FAM135A: variants seen among roughly 807,000 people sequenced by gnomAD.
The protein encoded by FAM135A is protein FAM135A.
A neutral mutation model predicts 146.8 loss-of-function variants in FAM135A; 79 were observed. The observed-to-expected ratio is 0.54, with a 90% CI of 0.45 to 0.65. FAM135A has a LOEUF of 0.65. Ranked by LOEUF, FAM135A falls within the 30% of genes least tolerant of loss-of-function variation. FAM135A has a pLI of 0.00. For missense variants in FAM135A, 1,623 were observed against 1,758.2 expected (o/e 0.92, Z 1.38); for synonymous variants, 562 against 603.6 (o/e 0.93, Z 1.01).
chr6:70,429,597 A>G (rs942660605), intron 4 of FAM135A, among the ~76,000 whole-genome samples: 3 of 152,198 alleles, frequency 2.0e-5, no homozygotes, highest in Non-Finnish European at 2.9e-5. Flanking sequence ...GAAGAAAGGT[A>G]GTAAAGAATG....
intron 4 of FAM135A, among the ~76,000 whole-genome samples, chr6:70,431,932 T>TAA (rs1227202453): frequency 6.6e-6 from 1 of 151,210 alleles, no homozygotes; most frequent in Non-Finnish European, 1.5e-5. Flanking sequence ...TAAAATATTT[T>TAA]AATGTGTAAT....
At chr6:70,544,160 A>G (rs1178091346) in intron 20 of FAM135A, among the ~76,000 whole-genome samples, 1 of 152,032 alleles carries the variant, frequency 6.6e-6, no homozygotes, top group Non-Finnish European at 1.5e-5. Flanking sequence ...CGGAAATATC[A>G]TAAGCTAGGT....
chr6:70,494,053 CAA>C (rs35693076), intron 11 of FAM135A, among the ~76,000 whole-genome samples: 17,855 of 81,462 alleles, frequency 0.22, 682 homozygotes, highest in African/African-American at 0.28. Context: ...GACTCTGTCT[CAA>C]AAAAAAAAAA....
chr6:70,543,137 C>T (rs1000196030), intron 20 of FAM135A, among the ~76,000 whole-genome samples: 3 of 152,042 alleles, frequency 2.0e-5, no homozygotes, highest in African/African-American at 7.2e-5. Context: ...ATATTATTTT[C>T]AATATTCAAA....
Position 70,524,200 on chromosome 6 carries a change from C to T in FAM135A, c.1258+79C>T. 3 of 1,421,640 alleles carry T rather than the reference C, an allele frequency of 2.1e-6. No homozygotes were observed. The East Asian group carries it at 7.2e-5, about 34-fold the overall frequency. 88.1% of individuals were successfully genotyped at this position (1,421,640 alleles called of 1,614,324 possible). ...TCTTCCTAATATACATAAAACCATT[C>T]CCTAATGTGGAATAGTTTTTTTCCC... On this transcript the variant is annotated intron_variant, in intron 14 of 21. Transcript: ENST00000418814.
intron 20 of FAM135A, among the ~76,000 whole-genome samples, chr6:70,540,860 T>C (rs1797790263): frequency 6.6e-6 from 1 of 152,186 alleles, no homozygotes; most frequent in African/African-American, 2.4e-5. Flanking sequence ...GGTCCCTATC[T>C]AGTTATCTTT....
chr6:70,437,074 A>G (rs1773340811), intron 4 of FAM135A, among the ~76,000 whole-genome samples: 2 of 151,990 alleles, frequency 1.3e-5, no homozygotes, highest in Non-Finnish European at 2.9e-5. Flanking sequence ...TTTATTAACT[A>G]TATATATATA....
chr6:70,464,833 A>ATTTTTTT lies in FAM135A; in HGVS notation c.158-10554_158-10548dup, dbSNP rs67408160. ...AGGCATGCACCACCACGCCTGGCCA[A>ATTTTTTT]TTTTTTTTTTTTTTTTTTTTTTTTT... is the stretch of plus-strand genomic sequence containing the variant. On this transcript the variant is annotated intron_variant, in intron 5 of 21. Transcript: ENST00000418814. Among the ~76,000 whole-genome samples the ATTTTTTT allele has an allele frequency of 6.8e-4, 44 of 64,324 alleles. 1 individual carries two copies. The highest frequency in any genetic ancestry group is 3.0e-3 in the East Asian group (8 of 2,660). 42.2% of individuals were successfully genotyped at this position (64,324 alleles called of 152,430 possible). A position where few individuals can be genotyped will look rare whatever the true frequency, so the allele number is the denominator to read the frequency against.
intron 2 of FAM135A, among the ~76,000 whole-genome samples, chr6:70,415,580 T>G (rs1767387034): frequency 6.6e-6 from 1 of 152,190 alleles, no homozygotes; most frequent in African/African-American, 2.4e-5. Context: ...AAAATGATTT[T>G]TCAAATGCAA....
intron 4 of FAM135A, among the ~76,000 whole-genome samples, chr6:70,440,789 C>T (rs1010544809): frequency 2.6e-5 from 4 of 152,038 alleles, no homozygotes; most frequent in Non-Finnish European, 5.9e-5. Flanking sequence ...TACTTAAGAT[C>T]CTGAAATAAT....
chr6:70,524,080 C>CTA lies in FAM135A; in HGVS notation c.1220_1221dup (p.Ile408Ter). On this transcript the variant is annotated frameshift_variant, in exon 14 of 22. Transcript: ENST00000418814. LOFTEE classifies it high-confidence loss of function. ...TTAGATGGAGATCTCAATTCATTAC[C>CTA]TATAATCTTTGAAGATAGGTATTTA... The CTA allele has an allele frequency of 6.2e-7, 1 of 1,611,922 alleles. No homozygotes were observed. Among genetic ancestry groups the CTA allele is most frequent in the Non-Finnish European group, 8.5e-7 (1 of 1,178,758 alleles).
chr6:70,466,565 G>A (rs1296550779), intron 5 of FAM135A, among the ~76,000 whole-genome samples: 1 of 152,154 alleles, frequency 6.6e-6, no homozygotes, highest in Non-Finnish European at 1.5e-5. Flanking sequence ...ATGTTCGTGG[G>A]CAAGGTCAAG....
chr6:70,529,467 G>T (rs1303694012), intron 16 of FAM135A, among the ~76,000 whole-genome samples: 2 of 143,836 alleles, frequency 1.4e-5, no homozygotes, highest in Admixed American at 7.0e-5. Context: ...AGACTCTCAA[G>T]AAATAAAATA....
intron 11 of FAM135A, among the ~76,000 whole-genome samples, chr6:70,497,447 G>A (rs936268449): frequency 3.9e-5 from 6 of 152,274 alleles, no homozygotes; most frequent in Non-Finnish European, 7.4e-5. Context: ...TGCAAACAGG[G>A]ACAGTTTGAC....
chr6:70,481,539 A>G lies in FAM135A; in HGVS notation c.670-462A>G, dbSNP rs182576388. ...TCCCAACTGCTAGGGAGCCTGAGGC[A>G]GGTGAATCGCTTGAGCACAGAAGGT... On this transcript the variant is annotated intron_variant, in intron 9 of 21. Coordinates refer to ENST00000418814, the MANE Select transcript of FAM135A (RefSeq NM_001162529.3). 2.7e-3 allele frequency among the ~76,000 whole-genome samples: 413 copies of G among 152,242 alleles called. 6 individuals carry two copies. The highest frequency in any genetic ancestry group is 0.025 in the Admixed American group (380 of 15,276).
At chr6:70,543,071 C>G (rs1350394165) in intron 20 of FAM135A, among the ~76,000 whole-genome samples, 1 of 152,036 alleles carries the variant, frequency 6.6e-6, no homozygotes, top group African/African-American at 2.4e-5. Context: ...CAGTATGTAC[C>G]ATAGCTCTTC....
At chr6:70,443,713 T>G (rs1419543477) in intron 4 of FAM135A, among the ~76,000 whole-genome samples, 3 of 152,234 alleles carry the variant, frequency 2.0e-5, no homozygotes, top group African/African-American at 4.8e-5. Context: ...TAGAGTCATT[T>G]GCATTTCTTT....
At chr6:70,424,040 G>A (rs1311324587) in intron 2 of FAM135A, among the ~76,000 whole-genome samples, 1 of 152,224 alleles carries the variant, frequency 6.6e-6, no homozygotes, top group African/African-American at 2.4e-5. Context: ...TCATGAGAAT[G>A]ATGAAGATCT....
chr6:70,435,261 C>A (rs548695707), intron 4 of FAM135A, among the ~76,000 whole-genome samples: 2 of 151,222 alleles, frequency 1.3e-5, no homozygotes, highest in South Asian at 2.1e-4. Flanking sequence ...CCTGCCACCA[C>A]GCCCAGCTAA....
Sources: allele counts gnomAD v4.1 joint callset (sites outside exome capture counted in the v4.1 genomes callset), GRCh38; gene constraint gnomAD v4.1.1; transcripts MANE v1.5; gene names NCBI Gene and HGNC (gene_info 2026-07-23, HGNC 2026-07-21).